The following TNFRSF10A variants were observed in gnomAD, a reference collection of about 807,000 sequenced individuals.
The protein encoded by TNFRSF10A is TNF receptor superfamily member 10a.
TNFRSF10A carries 44 observed loss-of-function variants against 42.8 expected under a neutral mutation model. That is an observed-to-expected ratio of 1.03 (90% CI 0.81 to 1.32). TNFRSF10A has a LOEUF of 1.32. Among genes scored for constraint, TNFRSF10A ranks in the 40% most tolerant of loss-of-function variants. The pLI is 0.00. For synonymous variants in TNFRSF10A, 259 were observed against 234.2 expected (o/e 1.11, Z -0.97); for missense variants, 680 against 602.0 (o/e 1.13, Z -1.36).
At chr8:23,205,711 CTTT>C (rs35059862) in intron 2 of TNFRSF10A, among the ~76,000 whole-genome samples, 3 of 130,852 alleles carry the variant, frequency 2.3e-5, no homozygotes, top group Admixed American at 8.2e-5. Context: ...GTCTGTGTTT[CTTT>C]TTTTTTTTTT....
chr8:23,220,188 C>G (rs774555917), intron 1 of TNFRSF10A, among the ~76,000 whole-genome samples: 9 of 152,198 alleles, frequency 5.9e-5, no homozygotes, highest in Non-Finnish European at 1.3e-4. Context: ...CTGCTATTAT[C>G]AAGCAGGCCA....
chr8:23,194,156 C>A (rs1800792503), intron 9 of TNFRSF10A, among the ~76,000 whole-genome samples: 1 of 152,136 alleles, frequency 6.6e-6, no homozygotes, highest in South Asian at 2.1e-4. Context: ...ATTACTGTCT[C>A]ATGGAGAGAG....
In TNFRSF10A at chr8:23,199,929, G is replaced by T. The variant is rs1188939162; in HGVS notation, c.800-12C>A. 1.9e-6 allele frequency: 3 copies of T among 1,614,036 alleles called. No homozygotes were observed. Among genetic ancestry groups the T allele is most frequent in the Non-Finnish European group, 2.5e-6 (3 of 1,179,976 alleles). On this transcript the variant is annotated splice_polypyrimidine_tract_variant and intron_variant, in intron 6 of 9. Transcript: ENST00000221132. ...GTCCCCTCCACAACCTAGAAGAGAA[G>T]ACGGTTCCCTTAGTGGCCAGGGAGG...
chr8:23,191,548 C>T lies in TNFRSF10A; in HGVS notation c.*146G>A. On this transcript the variant is annotated 3_prime_UTR_variant, in exon 10 of 10. Coordinates refer to ENST00000221132, the MANE Select transcript of TNFRSF10A (RefSeq NM_003844.4). ...CTTCTGACCTCAAGTGATCCACCCG[C>T]CTCAGCCTCCCAAAGTGCTGGGATT... is the stretch of plus-strand genomic sequence containing the variant. The T allele has an allele frequency of 1.6e-6, 2 of 1,219,890 alleles. No individual in the cohort carries two copies. The highest frequency in any genetic ancestry group is 2.2e-6 in the Non-Finnish European group (2 of 906,060). 75.6% of individuals were successfully genotyped at this position (1,219,890 alleles called of 1,614,324 possible).
intron 1 of TNFRSF10A, among the ~76,000 whole-genome samples, chr8:23,214,441 T>C (rs1305767795): frequency 2.0e-5 from 3 of 151,950 alleles, no homozygotes; most frequent in East Asian, 1.9e-4. Context: ...TGAGCCGAGA[T>C]TGTGCCACTG....
intron 2 of TNFRSF10A, among the ~76,000 whole-genome samples, chr8:23,205,701 G>A (rs1156332176): frequency 7.0e-6 from 1 of 142,034 alleles, no homozygotes; most frequent in Non-Finnish European, 1.5e-5. Flanking sequence ...CTAGGTTAAT[G>A]TCTGTGTTTC....
chr8:23,207,698 C>T, intron 2 of TNFRSF10A, among the ~76,000 whole-genome samples: 1 of 152,082 alleles, frequency 6.6e-6, no homozygotes, highest in East Asian at 1.9e-4. Flanking sequence ...GAGTAAGTCT[C>T]ATAAGATCTG....
intron 6 of TNFRSF10A, 112 bp from the exon 7 acceptor site, chr8:23,200,029 T>TC: frequency 7.3e-7 from 1 of 1,363,454 alleles, no homozygotes; most frequent in South Asian, 1.2e-5. Context: ...TGGACAAAGA[T>TC]CCCCGGGCCT....
Position 23,200,772 on chromosome 8 carries a change from C to G in TNFRSF10A, c.630-12G>C. The stretch of plus-strand genomic sequence containing the variant: ...TCCCTCTGGGGCACCTGGGTACACA[C>G]AGGGAGGGAGGGGGGGGACTCTTGA... On this transcript the variant is annotated splice_polypyrimidine_tract_variant and intron_variant, in intron 4 of 9. Coordinates refer to ENST00000221132, the MANE Select transcript of TNFRSF10A (RefSeq NM_003844.4). The G allele has an allele frequency of 6.9e-7, 1 of 1,456,676 alleles. No individual in the cohort carries two copies. The highest frequency in any genetic ancestry group is 9.5e-7 in the Non-Finnish European group (1 of 1,053,250). The allele number at this position is 1,456,676 out of a possible 1,614,324, so 90.2% of individuals were successfully genotyped here.
Position 23,200,778 on chromosome 8 carries a change from G to T in TNFRSF10A, c.630-18C>A. The T allele has an allele frequency of 9.2e-6, 14 of 1,519,078 alleles. No homozygotes were observed. Among genetic ancestry groups the T allele is most frequent in the South Asian group, 2.2e-5 (2 of 89,512 alleles). The allele number at this position is 1,519,078 out of a possible 1,614,324, so 94.1% of individuals were successfully genotyped here. A position where few individuals can be genotyped will look rare whatever the true frequency, so the allele number is the denominator to read the frequency against. ...TGGGGCACCTGGGTACACACAGGGA[G>T]GGAGGGGGGGGACTCTTGATGGAAA... On this transcript the variant is annotated intron_variant, in intron 4 of 9. Coordinates refer to ENST00000221132, the MANE Select transcript of TNFRSF10A (RefSeq NM_003844.4).
At chr8:23,200,632 G>A (rs199611236) in intron 5 of TNFRSF10A, 32 bp from the exon 6 acceptor site, 59 of 1,613,792 alleles carry the variant, frequency 3.7e-5, no homozygotes, top group African/African-American at 2.7e-5. Context: ...CAGGAGTCTC[G>A]GGCTGCTGGT....
In TNFRSF10A at chr8:23,211,838, C is replaced by T. The variant is rs898738863; in HGVS notation, c.403+278G>A. The stretch of plus-strand genomic sequence containing the variant: ...ACATGCAAAAGAATGCAGTTGGACG[C>T]TTATCTGATGCCATTTACAAAAATT... On this transcript the variant is annotated intron_variant, in intron 2 of 9. Transcript: ENST00000221132. Among the ~76,000 whole-genome samples, 21 of 152,260 alleles carry T rather than the reference C, an allele frequency of 1.4e-4. 1 individual carries two copies. The South Asian group carries it at 3.9e-3, about 29-fold the overall frequency.
rs766531884 is a variant in TNFRSF10A at position 23,191,782 on chromosome 8, G to T, written c.1319C>A (p.Ala440Glu). ...DALERMEERH[A>E]REKIQDLLVD... The stretch of plus-strand genomic sequence containing the variant: ...CAAGAGGTCCTGAATCTTCTCTCTT[G>T]CATGTCTCTCTTCCATCCTCTCCAA... Residue 440 changes from alanine to glutamate, a missense_variant, in exon 10 of 10, where the codon GCA (alanine) becomes GAA (glutamate). Ala to Glu is a moderately radical substitution (Grantham distance 107). Coordinates refer to ENST00000221132, the MANE Select transcript of TNFRSF10A (RefSeq NM_003844.4). The T allele has an allele frequency of 8.1e-6, 13 of 1,614,010 alleles. No homozygotes were observed. The South Asian group carries it at 1.3e-4, about 16-fold the overall frequency.
rs143556803 is a variant in TNFRSF10A, at chr8:23,202,525, T to C, written c.517+123A>G. ...ATTTTATGGACCTAAGACATAACCA[T>C]GGAACAGGGTATGATGAAGACCAAG... On this transcript the variant is annotated intron_variant, in intron 3 of 9. Transcript: ENST00000221132. The C allele has an allele frequency of 6.0e-4, 430 of 713,810 alleles. 5 individuals are homozygous for C. In the East Asian group the frequency reaches 0.011, roughly 18 times the overall value. The allele number at this position is 713,810 out of a possible 1,614,324, so 44.2% of individuals were successfully genotyped here.
At chr8:23,213,872 G>T (rs1010468296) in intron 1 of TNFRSF10A, among the ~76,000 whole-genome samples, 5 of 152,020 alleles carry the variant, frequency 3.3e-5, no homozygotes, top group African/African-American at 1.2e-4. Context: ...GTAACTTATG[G>T]TATATTGTTT....
intron 9 of TNFRSF10A, among the ~76,000 whole-genome samples, chr8:23,195,094 G>C (rs1029407311): frequency 3.3e-5 from 5 of 152,234 alleles, no homozygotes; most frequent in Admixed American, 3.3e-4. Flanking sequence ...AGGAGGTGGA[G>C]GTTGCAGTGA....
At chr8:23,192,273 G>A (rs1800767397) in intron 9 of TNFRSF10A, among the ~76,000 whole-genome samples, 1 of 152,212 alleles carries the variant, frequency 6.6e-6, no homozygotes, top group Admixed American at 6.5e-5. Context: ...GAACCCACCT[G>A]GGGAGGATGG....
chr8:23,191,778 TC>T lies in TNFRSF10A; in HGVS notation c.1322del (p.Arg441LysfsTer17), dbSNP rs1800757320. Reference sequence around the variant, plus strand: ...CCACCAAGAGGTCCTGAATCTTCTCTCTTGCATGTCTCTCTTCCATCCTCTC... The same window carrying T: ...CCACCAAGAGGTCCTGAATCTTCTCTTTGCATGTCTCTCTTCCATCCTCTC... ...ALERMEERHA[R>X]EKIQDLLVDS... On this transcript the variant is annotated frameshift_variant, in exon 10 of 10. Coordinates refer to ENST00000221132, the MANE Select transcript of TNFRSF10A (RefSeq NM_003844.4). LOFTEE classifies it low-confidence loss of function (END_TRUNC). 8.7e-6 allele frequency: 14 copies of T among 1,614,172 alleles called. No homozygotes were observed. The South Asian group carries it at 1.5e-4, about 18-fold the overall frequency.
At chr8:23,212,601 A>G (rs1177385048) in intron 1 of TNFRSF10A, among the ~76,000 whole-genome samples, 1 of 152,206 alleles carries the variant, frequency 6.6e-6, no homozygotes, top group African/African-American at 2.4e-5. Context: ...TTATCCATTC[A>G]TCTGTCAATG....
Sources: gnomAD v4.1 joint callset for allele counts (sites outside exome capture counted in the v4.1 genomes callset) on GRCh38, gnomAD v4.1.1 for gene constraint, MANE v1.5 for transcripts, NCBI Gene and HGNC (gene_info 2026-07-23, HGNC 2026-07-21) for gene names.